Variants in NRG3 observed in about 807,000 individuals in gnomAD.
The protein encoded by NRG3 is pro-neuregulin-3, membrane-bound isoform.
A neutral mutation model predicts 66.9 loss-of-function variants in NRG3; 31 were observed. That is an observed-to-expected ratio of 0.46 (90% CI 0.35 to 0.63). The LOEUF is 0.63. NRG3 is among the 20% of genes least tolerant of loss of function. The pLI, the probability that NRG3 is intolerant of heterozygous loss-of-function variation, is 0.00. For missense variants in NRG3, 910 were observed against 878.9 expected, an observed-to-expected ratio of 1.04 and a Z score of -0.45; for synonymous variants, 393 against 359.4, an observed-to-expected ratio of 1.09 and a Z score of -1.06.
intron 8 of NRG3, among the ~76,000 whole-genome samples, chr10:82,980,598 G>A (rs1280497264): frequency 6.6e-6 from 1 of 152,142 alleles, no homozygotes; most frequent in Non-Finnish European, 1.5e-5. Context: ...TTTCATATGG[G>A]CATGGGATAT....
chr10:82,475,992 T>G (rs1465610545), intron 2 of NRG3, among the ~76,000 whole-genome samples: 2 of 151,976 alleles, frequency 1.3e-5, no homozygotes, highest in African/African-American at 4.8e-5. Flanking sequence ...ACTTGACAAT[T>G]AAAAAACAAC....
At chr10:82,625,564 T>A (rs1318455602) in intron 2 of NRG3, among the ~76,000 whole-genome samples, 1 of 152,142 alleles carries the variant, frequency 6.6e-6, no homozygotes, top group African/African-American at 2.4e-5. Flanking sequence ...GCTTGGCCAC[T>A]TTAGAGATGG....
At chr10:82,456,586 C>G (rs1009582384) in intron 2 of NRG3, among the ~76,000 whole-genome samples, 1 of 152,078 alleles carries the variant, frequency 6.6e-6, no homozygotes, top group Admixed American at 6.6e-5. Flanking sequence ...TATGGGACCA[C>G]CATCATATAT....
intron 3 of NRG3, among the ~76,000 whole-genome samples, chr10:82,754,580 A>G (rs2059003839): frequency 6.6e-6 from 1 of 151,790 alleles, no homozygotes; most frequent in Non-Finnish European, 1.5e-5. Context: ...GCTTCTGGAA[A>G]TGGCAACCCA....
intron 1 of NRG3, among the ~76,000 whole-genome samples, chr10:82,027,710 A>G (rs1323389097): frequency 6.6e-6 from 1 of 152,112 alleles, no homozygotes; most frequent in Admixed American, 6.6e-5. Flanking sequence ...GCTGATGTCA[A>G]TGACACACTG....
At chr10:82,373,374 T>C (rs11194007) in intron 2 of NRG3, among the ~76,000 whole-genome samples, 30,258 of 152,142 alleles carry the variant, frequency 0.2, 3,287 homozygotes, top group East Asian at 0.31. Context: ...TAGGGGCAGA[T>C]GGGATGCTTG....
chr10:82,428,938 CATTAAAA>C, intron 2 of NRG3, among the ~76,000 whole-genome samples: 1 of 151,988 alleles, frequency 6.6e-6, no homozygotes, highest in East Asian at 1.9e-4. Flanking sequence ...ATTACTGATA[CATTAAAA>C]ATTTATCATT....
At chr10:82,120,449 T>C (rs2068013096) in intron 1 of NRG3, among the ~76,000 whole-genome samples, 1 of 152,174 alleles carries the variant, frequency 6.6e-6, no homozygotes, top group Non-Finnish European at 1.5e-5. Context: ...CAGAGATAGC[T>C]GACTAATGAG....
At chr10:82,253,783 G>A (rs1400322842) in intron 1 of NRG3, among the ~76,000 whole-genome samples, 1 of 152,082 alleles carries the variant, frequency 6.6e-6, no homozygotes. Flanking sequence ...TTCTTACCTC[G>A]GTTATCCTAC....
chr10:82,107,686 G>A (rs1036699770), intron 1 of NRG3, among the ~76,000 whole-genome samples: 2 of 152,142 alleles, frequency 1.3e-5, no homozygotes, highest in African/African-American at 4.8e-5. Context: ...TGTTGCACGG[G>A]GCTAGTCATT....
chr10:82,042,631 G>A (rs1009843487), intron 1 of NRG3, among the ~76,000 whole-genome samples: 1 of 152,000 alleles, frequency 6.6e-6, no homozygotes, highest in African/African-American at 2.4e-5. Context: ...GTCAATGGAA[G>A]CTTGACTTTT....
chr10:82,137,244 G>T (rs1256455051), intron 1 of NRG3, among the ~76,000 whole-genome samples: 1 of 152,154 alleles, frequency 6.6e-6, no homozygotes, highest in East Asian at 1.9e-4. Context: ...AAAGACACTT[G>T]AGATTCTCAG....
Position 82,108,965 on chromosome 10 carries a change from C to T in NRG3, c.823+232802C>T, listed in dbSNP as rs373857941. Among the ~76,000 whole-genome samples, 10 of 152,230 alleles carry T rather than the reference C, an allele frequency of 6.6e-5. No individual in the cohort carries two copies. In the East Asian group the frequency reaches 1.5e-3, roughly 24 times the overall value. The stretch of plus-strand genomic sequence containing the variant: ...CTTTTAATAACAAACCTTGGGAGGG[C>T]TAACTCTCTGGGCCATTACCCTTCA... On this transcript the variant is annotated intron_variant, in intron 1 of 8. Coordinates refer to ENST00000372141, the MANE Select transcript of NRG3 (RefSeq NM_001010848.4).
At chr10:81,955,916 A>G (rs1268585130) in intron 1 of NRG3, among the ~76,000 whole-genome samples, 11 of 152,176 alleles carry the variant, frequency 7.2e-5, no homozygotes, top group Non-Finnish European at 1.5e-5. Context: ...TTATATCCAG[A>G]ACAGAATTTT....
Position 82,156,335 on chromosome 10 carries a change from T to C in NRG3, c.824-202404T>C, listed in dbSNP as rs78836627. Among the ~76,000 whole-genome samples, 881 of 151,662 alleles carry C rather than the reference T, an allele frequency of 5.8e-3. 12 individuals are homozygous for C. Among genetic ancestry groups the C allele is most frequent in the African/African-American group, 0.02 (834 of 41,464 alleles). ...ACCTGAATTTCAGTCTCAGCTTTGC[T>C]CCTTAACAACTGGAAGGTATGTCCA... On this transcript the variant is annotated intron_variant, in intron 1 of 8. Transcript: ENST00000372141.
At chr10:82,341,731 T>C (rs1409347655) in intron 1 of NRG3, among the ~76,000 whole-genome samples, 1 of 152,062 alleles carries the variant, frequency 6.6e-6, no homozygotes, top group East Asian at 1.9e-4. Flanking sequence ...AATAGGTAGT[T>C]TTTCAACCCT....
At chr10:82,063,512 C>T (rs1433993086) in intron 1 of NRG3, among the ~76,000 whole-genome samples, 2 of 147,544 alleles carry the variant, frequency 1.4e-5, no homozygotes, top group African/African-American at 2.5e-5. Context: ...AGGAAAAGAT[C>T]TTTTTTTTTT....
intron 2 of NRG3, among the ~76,000 whole-genome samples, chr10:82,501,555 C>T (rs1364258261): frequency 1.3e-5 from 2 of 152,086 alleles, no homozygotes; most frequent in Non-Finnish European, 2.9e-5. Flanking sequence ...TCGTTCCATT[C>T]CCAAGTGTTA....
At chr10:82,968,751 T>C (rs147713853) in intron 6 of NRG3, among the ~76,000 whole-genome samples, 3 of 152,208 alleles carry the variant, frequency 2.0e-5, no homozygotes, top group Admixed American at 1.3e-4. Context: ...GCTCCAGAAA[T>C]AGTTGGCTGA....
Sources: allele counts gnomAD v4.1 joint callset (sites outside exome capture counted in the v4.1 genomes callset), GRCh38; gene constraint gnomAD v4.1.1; transcripts MANE v1.5; gene names NCBI Gene and HGNC (gene_info 2026-07-23, HGNC 2026-07-21).